The following PACS1 variants were observed in gnomAD, a reference collection of about 807,000 sequenced individuals.
PACS1 encodes the protein PACS-1.
Under a neutral mutation model 115.0 loss-of-function variants are expected in PACS1, and 24 were observed. The observed-to-expected ratio is 0.21, with a 90% CI of 0.15 to 0.29. The LOEUF (loss-of-function observed/expected upper bound fraction) is 0.29. PACS1 is among the 10% of genes least tolerant of loss of function. PACS1 has a pLI of 1.00. For synonymous variants in PACS1, 453 were observed against 504.5 expected (o/e 0.90, Z 1.37); for missense variants, 838 against 1,251.2 (o/e 0.67, Z 4.98).
intron 1 of PACS1, among the ~76,000 whole-genome samples, chr11:66,084,466 A>G (rs778620220): frequency 9.2e-5 from 14 of 152,076 alleles, no homozygotes; most frequent in Non-Finnish European, 1.9e-4. Flanking sequence ...AGGAGGCATG[A>G]TGGTCACTTC....
chr11:66,161,179 G>A (rs1859480992), intron 1 of PACS1, among the ~76,000 whole-genome samples: 1 of 152,308 alleles, frequency 6.6e-6, no homozygotes, highest in Admixed American at 6.5e-5. Flanking sequence ...CTCTGAAATA[G>A]AGAATATATA....
At chr11:66,127,527 G>A (rs553817782) in intron 1 of PACS1, among the ~76,000 whole-genome samples, 2 of 152,202 alleles carry the variant, frequency 1.3e-5, no homozygotes, top group African/African-American at 4.8e-5. Context: ...GTGTAAGAAG[G>A]CTTCTTCTCT....
intron 1 of PACS1, among the ~76,000 whole-genome samples, chr11:66,086,567 T>C (rs4930337): frequency 0.16 from 24,878 of 152,234 alleles, 2,720 homozygotes; most frequent in Admixed American, 0.3. Context: ...GCCCTGTACA[T>C]GCACAGGCTA....
At chr11:66,137,100 A>G (rs1009025969) in intron 1 of PACS1, among the ~76,000 whole-genome samples, 2 of 148,990 alleles carry the variant, frequency 1.3e-5, no homozygotes, top group Non-Finnish European at 3.0e-5. Flanking sequence ...TTTTTCTTTA[A>G]TGTAATAAAA....
chr11:66,198,224 A>G (rs993078847), intron 2 of PACS1, among the ~76,000 whole-genome samples: 1 of 152,258 alleles, frequency 6.6e-6, no homozygotes, highest in Non-Finnish European at 1.5e-5. Context: ...TCAAAAGGTT[A>G]AAGACTGAGT....
Position 66,243,444 on chromosome 11 carries a change from C to T in PACS1, c.*164C>T. On this transcript the variant is annotated 3_prime_UTR_variant, in exon 24 of 24. Transcript: ENST00000320580. ...GGACACTGCCACAGGGACGCCTTCC[C>T]TCCCCTCCCCTCCAGCCCACCCCTG... 3.3e-6 allele frequency: 2 copies of T among 603,230 alleles called. No homozygotes were observed. The highest frequency in any genetic ancestry group is 3.0e-6 in the Non-Finnish European group (1 of 336,206). The allele number at this position is 603,230 out of a possible 1,614,324, so 37.4% of individuals were successfully genotyped here.
chr11:66,156,809 C>T (rs1565127600), intron 1 of PACS1, among the ~76,000 whole-genome samples: 2 of 150,982 alleles, frequency 1.3e-5, no homozygotes, highest in South Asian at 2.1e-4. Flanking sequence ...GCCGAGATGG[C>T]GCCACTGCAC....
At chr11:66,174,343 C>G (rs1859804315) in intron 1 of PACS1, among the ~76,000 whole-genome samples, 1 of 37,774 alleles carries the variant, frequency 2.6e-5, no homozygotes, top group Non-Finnish European at 5.3e-5. Context: ...ATGGCATAGC[C>G]ACTTTGGAAA....
intron 3 of PACS1, among the ~76,000 whole-genome samples, chr11:66,210,857 A>G (rs1297221676): frequency 6.6e-6 from 1 of 152,192 alleles, no homozygotes; most frequent in Non-Finnish European, 1.5e-5. Flanking sequence ...CAGTAATTCA[A>G]TGCCCAAATT....
At chr11:66,165,160 A>G (rs545625759) in intron 1 of PACS1, among the ~76,000 whole-genome samples, 1 of 152,316 alleles carries the variant, frequency 6.6e-6, no homozygotes, top group African/African-American at 2.4e-5. Flanking sequence ...AGTATTCTTC[A>G]TTCTGCCAGA....
intron 1 of PACS1, among the ~76,000 whole-genome samples, chr11:66,072,419 C>T (rs1490599701): frequency 6.6e-6 from 1 of 152,120 alleles, no homozygotes; most frequent in Non-Finnish European, 1.5e-5. Flanking sequence ...GGTGGGATTG[C>T]CGCTCGCAGG....
rs10466673 is a variant in PACS1 at position 66,197,911 on chromosome 11, A to G, written c.444+4338A>G. On this transcript the variant is annotated intron_variant, in intron 2 of 23. Coordinates refer to ENST00000320580, the MANE Select transcript of PACS1 (RefSeq NM_018026.4). Reference sequence around the variant, plus strand: ...CGTCTGGATTTTTTTCATATACTCAACCAAAGTAATGTTTTGCAACACATT... The same window carrying G: ...CGTCTGGATTTTTTTCATATACTCAGCCAAAGTAATGTTTTGCAACACATT... Among the ~76,000 whole-genome samples, 1,292 of 152,352 alleles carry G rather than the reference A, an allele frequency of 8.5e-3. 18 individuals carry two copies. The highest frequency in any genetic ancestry group is 0.029 in the African/African-American group (1,214 of 41,572).
intron 1 of PACS1, among the ~76,000 whole-genome samples, chr11:66,092,015 A>G (rs961077172): frequency 6.6e-6 from 1 of 152,168 alleles, no homozygotes; most frequent in Non-Finnish European, 1.5e-5. Flanking sequence ...AGCATGATTT[A>G]TAGTCCTTTG....
At chr11:66,201,692 T>G (rs1854802318) in intron 2 of PACS1, among the ~76,000 whole-genome samples, 1 of 150,502 alleles carries the variant, frequency 6.6e-6, no homozygotes, top group South Asian at 2.1e-4. Context: ...GGAGTTTTAC[T>G]CTTGTTGCCC....
rs1333588012 is a variant in PACS1, at chr11:66,070,689, C to T, written c.203C>T (p.Ser68Leu). 5 of 1,579,066 alleles carry T rather than the reference C, an allele frequency of 3.2e-6. No homozygotes were observed. Among genetic ancestry groups the T allele is most frequent in the Non-Finnish European group, 8.5e-7 (1 of 1,170,084 alleles). The change falls in exon 1 of 24, where the codon TCG becomes TTG. Residue 68 changes from serine (S) to leucine (L), a missense_variant. This residue lies in a region of PACS1 where 129 missense variants were observed against 109.4 expected (regional missense o/e 1.18). Coordinates refer to ENST00000320580, the MANE Select transcript of PACS1 (RefSeq NM_018026.4). This position sits in a 1 kb window ranked among gnomAD's most constrained non-coding sequence, Gnocchi z 5.9. ...ACCTCGGCGGCGGCTGCCTCCTCCTCGTCCTCGTCTACCTCCACCTCCATG... is the reference window on the plus strand; with the variant it reads ...ACCTCGGCGGCGGCTGCCTCCTCCTTGTCCTCGTCTACCTCCACCTCCATG... ...SSTSAAAASS[S>L]SSSTSTSMAV...
At chr11:66,174,032 C>T (rs971994760) in intron 1 of PACS1, among the ~76,000 whole-genome samples, 16 of 151,196 alleles carry the variant, frequency 1.1e-4, no homozygotes, top group African/African-American at 2.2e-4. Context: ...AGCTGGGCAA[C>T]GGAGCAAGAC....
chr11:66,084,362 C>T (rs1175619807), intron 1 of PACS1: 1 of 152,246 alleles, frequency 6.6e-6, no homozygotes, highest in African/African-American at 2.4e-5. Flanking sequence ...TGGATAAAGT[C>T]AGAGAGGTAA....
chr11:66,074,536 A>C (rs1474566819), intron 1 of PACS1, among the ~76,000 whole-genome samples: 4 of 152,190 alleles, frequency 2.6e-5, no homozygotes, highest in Non-Finnish European at 5.9e-5. Flanking sequence ...AGCATTCAAA[A>C]TTTCCTCAGT....
In PACS1 at chr11:66,155,822, G is replaced by C. The variant is rs111570519; in HGVS notation, c.357-37664G>C. On this transcript the variant is annotated intron_variant, in intron 1 of 23. Transcript: ENST00000320580. ...GACGGCCAAAGGCTGGAAACAATCC[G>C]GGGGCTCATCAGGTGAATGGATGAA... is the stretch of plus-strand genomic sequence containing the variant. Among the ~76,000 whole-genome samples the C allele has an allele frequency of 1.2e-3, 181 of 152,184 alleles. 2 individuals carry two copies. The highest frequency in any genetic ancestry group is 4.2e-3 in the African/African-American group (175 of 41,538).
Sources: gnomAD v4.1 joint callset for allele counts (sites outside exome capture counted in the v4.1 genomes callset) on GRCh38, gnomAD v4.1.1 for gene constraint, gnomAD v4.1.1 regional missense constraint, Gnocchi (gnomAD v3.1) non-coding constraint, MANE v1.5 for transcripts, NCBI Gene and HGNC (gene_info 2026-07-23, HGNC 2026-07-21) for gene names.